MMP16: variants seen among roughly 807,000 people sequenced by gnomAD.
The protein encoded by MMP16 is matrix metalloproteinase-16.
Under a neutral mutation model 67.8 loss-of-function variants are expected in MMP16, and 12 were observed. The ratio of observed to expected loss-of-function variants is 0.18; its 90% CI spans 0.11 to 0.29. The LOEUF (loss-of-function observed/expected upper bound fraction) is 0.29. Ranked by LOEUF, MMP16 falls within the 10% of genes least tolerant of loss-of-function variation. The pLI is 1.00. For synonymous variants in MMP16, 249 were observed against 255.9 expected (o/e 0.97, Z 0.26); for missense variants, 475 against 765.7 (o/e 0.62, Z 4.48).
chr8:88,080,668 T>G lies in MMP16; in HGVS notation c.1084-5925A>C, dbSNP rs529962014. ...CCAGGCTGGTCTTGAACTCCTGACC[T>G]CAAGTGATCCACCCACCTTGGCCTC... On this transcript the variant is annotated intron_variant, in intron 6 of 9. Transcript: ENST00000286614. 1.9e-4 allele frequency among the ~76,000 whole-genome samples: 29 copies of G among 152,224 alleles called. 1 individual carries two copies. In the South Asian group the frequency reaches 4.6e-3, roughly 24 times the overall value.
At position 88,058,168 on chromosome 8, in the gene MMP16, G is replaced by A. The variant is rs1201684100; in HGVS notation, c.1223-1890C>T. On this transcript the variant is annotated intron_variant, in intron 7 of 9. Coordinates refer to ENST00000286614, the MANE Select transcript of MMP16 (RefSeq NM_005941.5). The surrounding 1 kb of genome is among the most constrained non-coding windows in gnomAD (Gnocchi z 4.2). Reference sequence around the variant, plus strand: ...AAAGAAGATCAGTAATTTGTAATAAGCAAGTATAAAATCTTTGCAAATCAA... The same window carrying A: ...AAAGAAGATCAGTAATTTGTAATAAACAAGTATAAAATCTTTGCAAATCAA... Among the ~76,000 whole-genome samples, 6 of 152,186 alleles carry A rather than the reference G, an allele frequency of 3.9e-5. No individual in the cohort carries two copies. In the East Asian group the frequency reaches 5.8e-4, roughly 15 times the overall value.
chr8:88,098,861 A>T (rs1156540458), intron 6 of MMP16, among the ~76,000 whole-genome samples: 1 of 151,916 alleles, frequency 6.6e-6, no homozygotes, highest in Non-Finnish European at 1.5e-5. Flanking sequence ...AACTTGCAAA[A>T]ATTTTTATAT....
intron 8 of MMP16, among the ~76,000 whole-genome samples, chr8:88,052,244 C>T (rs1049905043): frequency 5.9e-5 from 9 of 152,168 alleles, no homozygotes; most frequent in Non-Finnish European, 1.3e-4. Context: ...TCTTAATCCC[C>T]TTCCCCCAAT....
chr8:88,111,422 G>A (rs1809334796), intron 6 of MMP16, among the ~76,000 whole-genome samples: 1 of 151,626 alleles, frequency 6.6e-6, no homozygotes, highest in South Asian at 2.1e-4. Context: ...GCGAATATTT[G>A]GTACTGACAG....
intron 4 of MMP16, among the ~76,000 whole-genome samples, chr8:88,153,374 T>A (rs1002956222): frequency 1.2e-3 from 188 of 152,206 alleles, no homozygotes; most frequent in African/African-American, 4.3e-3. Context: ...ACTTTAAAGT[T>A]CATATGGAAC....
chr8:88,231,824 A>T lies in MMP16; in HGVS notation c.133-34518T>A, dbSNP rs564745722. Reference sequence around the variant, plus strand: ...CTGTAATATGATGTGACCATTTTTTAAAAAAGTTTTTCTCTAAAATAATTA... The same window carrying T: ...CTGTAATATGATGTGACCATTTTTTTAAAAAGTTTTTCTCTAAAATAATTA... On this transcript the variant is annotated intron_variant, in intron 1 of 9. Coordinates refer to ENST00000286614, the MANE Select transcript of MMP16 (RefSeq NM_005941.5). Among the ~76,000 whole-genome samples, 1,088 of 152,272 alleles carry T rather than the reference A, an allele frequency of 7.1e-3. 7 individuals are homozygous for T. The highest frequency in any genetic ancestry group is 0.011 in the Non-Finnish European group (716 of 68,024).
At chr8:88,324,368 C>T (rs1811506528) in intron 1 of MMP16, among the ~76,000 whole-genome samples, 2 of 152,064 alleles carry the variant, frequency 1.3e-5, no homozygotes, top group African/African-American at 2.4e-5. Flanking sequence ...AGCCAACCAC[C>T]CTCTTCAAAT....
At chr8:88,123,448 C>T (rs1483266317) in intron 4 of MMP16, among the ~76,000 whole-genome samples, 4 of 151,056 alleles carry the variant, frequency 2.6e-5, no homozygotes, top group African/African-American at 7.3e-5. Flanking sequence ...TTTTGTTGTA[C>T]CTATGCTATT....
chr8:88,090,389 T>A (rs949295672), intron 6 of MMP16, among the ~76,000 whole-genome samples: 1 of 151,976 alleles, frequency 6.6e-6, no homozygotes, highest in African/African-American at 2.4e-5. Context: ...TGCTTTAATT[T>A]TATAATTATT....
intron 6 of MMP16, among the ~76,000 whole-genome samples, chr8:88,102,042 C>T (rs942746824): frequency 2.6e-5 from 4 of 151,850 alleles, no homozygotes; most frequent in African/African-American, 9.7e-5. Flanking sequence ...AAGACTGAAA[C>T]TGTTTTTCTT....
At chr8:88,175,066 T>C (rs1808865489) in intron 3 of MMP16, among the ~76,000 whole-genome samples, 1 of 152,088 alleles carries the variant, frequency 6.6e-6, no homozygotes, top group African/African-American at 2.4e-5. Context: ...GACTGCTTTT[T>C]GAGAGGAGGA....
chr8:88,189,741 T>A (rs775257929), intron 2 of MMP16, among the ~76,000 whole-genome samples: 1 of 152,200 alleles, frequency 6.6e-6, no homozygotes, highest in Non-Finnish European at 1.5e-5. Flanking sequence ...TCTGGAATAC[T>A]TTTCACTCCT....
Position 88,036,961 on chromosome 8 carries a change from CT to C in MMP16, c.*4499del, listed in dbSNP as rs909254012. The stretch of plus-strand genomic sequence containing the variant: ...TAGTTTCTGGAAATGATTCCAAAAA[CT>C]TTAAAATATATATTTTTTCATGACT... On this transcript the variant is annotated 3_prime_UTR_variant, in exon 10 of 10. Coordinates refer to ENST00000286614, the MANE Select transcript of MMP16 (RefSeq NM_005941.5). 14 of 151,346 alleles carry C rather than the reference CT, an allele frequency of 9.3e-5. No individual in the cohort carries two copies. Among genetic ancestry groups the C allele is most frequent in the Admixed American group, 2.0e-4 (3 of 15,112 alleles). 9.4% of individuals were successfully genotyped at this position (151,346 alleles called of 1,614,324 possible). A position where few individuals can be genotyped will look rare whatever the true frequency, so the allele number is the denominator to read the frequency against.
Position 88,036,950 on chromosome 8 carries a change from G to T in MMP16, c.*4511C>A, listed in dbSNP as rs1479188830. On this transcript the variant is annotated 3_prime_UTR_variant, in exon 10 of 10. Coordinates refer to ENST00000286614, the MANE Select transcript of MMP16 (RefSeq NM_005941.5). ...ATTCCCTTTATTAGTTTCTGGAAAT[G>T]ATTCCAAAAACTTTAAAATATATAT... 1 of 151,390 alleles carries T rather than the reference G, an allele frequency of 6.6e-6. No homozygotes were observed. 9.4% of individuals were successfully genotyped at this position (151,390 alleles called of 1,614,324 possible).
intron 1 of MMP16, among the ~76,000 whole-genome samples, chr8:88,212,659 A>T (rs1341006334): frequency 2.0e-5 from 3 of 152,166 alleles, no homozygotes. Flanking sequence ...CTGAGATTTC[A>T]TCACTTTAGG....
At chr8:88,146,820 T>C (rs948649906) in intron 4 of MMP16, among the ~76,000 whole-genome samples, 3 of 151,980 alleles carry the variant, frequency 2.0e-5, no homozygotes, top group Admixed American at 2.0e-4. Flanking sequence ...TAAATATTTA[T>C]GTAAATGTTC....
At chr8:88,183,977 C>T (rs1202494681) in intron 3 of MMP16, among the ~76,000 whole-genome samples, 2 of 151,940 alleles carry the variant, frequency 1.3e-5, no homozygotes, top group Non-Finnish European at 2.9e-5. Context: ...AACTCCGGAG[C>T]TCAAGTGATC....
At chr8:88,247,409 C>A (rs969259000) in intron 1 of MMP16, among the ~76,000 whole-genome samples, 1 of 151,986 alleles carries the variant, frequency 6.6e-6, no homozygotes, top group African/African-American at 2.4e-5. Context: ...TGTGACGAGG[C>A]GCCCAGAGGG....
At chr8:88,120,590 T>C (rs1386086073) in intron 4 of MMP16, among the ~76,000 whole-genome samples, 1 of 151,742 alleles carries the variant, frequency 6.6e-6, no homozygotes, top group Non-Finnish European at 1.5e-5. Flanking sequence ...GCAGACTGAA[T>C]GGCAAAACAA....
Sources: allele counts gnomAD v4.1 joint callset (sites outside exome capture counted in the v4.1 genomes callset), GRCh38; gene constraint gnomAD v4.1.1; non-coding constraint Gnocchi (gnomAD v3.1); transcripts MANE v1.5; gene names NCBI Gene and HGNC (gene_info 2026-07-23, HGNC 2026-07-21).